CIROZ: variants seen among roughly 807,000 people sequenced by gnomAD.
CIROZ encodes the protein ciliated left-right organizer ZP-N domains-containing protein.
chr1:10,968,762 C>T, the CIROZ span, among the ~76,000 whole-genome samples: 1 of 152,182 alleles, frequency 6.6e-6, no homozygotes, highest in Admixed American at 6.5e-5. Flanking sequence ...TCTGACAGCG[C>T]CTAAAACTAA....
the CIROZ span, among the ~76,000 whole-genome samples, chr1:10,953,218 G>T: frequency 6.6e-6 from 1 of 152,120 alleles, no homozygotes; most frequent in Non-Finnish European, 1.5e-5. Context: ...CTCGTGACAG[G>T]GCAAACTTGC....
the CIROZ span, chr1:10,966,236 C>T: frequency 7.8e-7 from 1 of 1,274,476 alleles, no homozygotes; most frequent in East Asian, 2.6e-5. Context: ...CTTCTGGTCT[C>T]CCTCAGCTCA....
At chr1:10,962,034 C>T in the CIROZ span, among the ~76,000 whole-genome samples, 7 of 152,168 alleles carry the variant, frequency 4.6e-5, no homozygotes, top group South Asian at 1.4e-3. Context: ...CTCAGTTCTG[C>T]CTTCCTCTCC....
chr1:10,947,541 G>C, the CIROZ span: 4 of 831,804 alleles, frequency 4.8e-6, no homozygotes, highest in Non-Finnish European at 5.1e-6. Flanking sequence ...AGAGCACCGG[G>C]GCTTCCCTGG....
the CIROZ span, chr1:10,956,958 G>T: frequency 7.1e-7 from 1 of 1,400,640 alleles, no homozygotes; most frequent in South Asian, 1.3e-5. Flanking sequence ...CCAGAGGAGG[G>T]AGAAAACAGA....
At chr1:10,968,158 C>A in the CIROZ span, among the ~76,000 whole-genome samples, 6 of 149,056 alleles carry the variant, frequency 4.0e-5, no homozygotes, top group African/African-American at 1.6e-4. Context: ...GACTCCGTCT[C>A]AATAAATAAA....
the CIROZ span, among the ~76,000 whole-genome samples, chr1:10,959,007 C>A: frequency 6.6e-6 from 1 of 152,234 alleles, no homozygotes; most frequent in Admixed American, 6.5e-5. This position sits in a 1 kb window ranked among gnomAD's most constrained non-coding sequence, Gnocchi z 4.3. Flanking sequence ...GGGTCCTGGG[C>A]GCAGCTGGTG....
the CIROZ span, among the ~76,000 whole-genome samples, chr1:10,976,498 C>T: frequency 1.3e-5 from 2 of 151,986 alleles, no homozygotes; most frequent in African/African-American, 2.4e-5. Flanking sequence ...ATTACAGGCA[C>T]ATGCCACCAC....
At chr1:10,952,802 G>A in the CIROZ span, among the ~76,000 whole-genome samples, 5 of 152,296 alleles carry the variant, frequency 3.3e-5, no homozygotes, top group East Asian at 1.9e-4. Context: ...GTGAGCCACC[G>A]CGTCTGGCCT....
At chr1:10,954,212 T>G in the CIROZ span, 4 of 1,505,872 alleles carry the variant, frequency 2.7e-6, no homozygotes, top group Non-Finnish European at 3.6e-6. Context: ...TCCCAGCACT[T>G]TGGGAGGCTG....
the CIROZ span, among the ~76,000 whole-genome samples, chr1:10,967,155 G>GAAAAAAAA: frequency 2.6e-5 from 3 of 116,310 alleles, no homozygotes; most frequent in Non-Finnish European, 3.9e-5. Context: ...TCCAAAAAAA[G>GAAAAAAAA]AAAAAAAAAA....
At chr1:10,964,788 G>A in the CIROZ span, among the ~76,000 whole-genome samples, 4 of 152,068 alleles carry the variant, frequency 2.6e-5, no homozygotes, top group Non-Finnish European at 5.9e-5. Context: ...ACGCCAACAC[G>A]CCCGTCTAAT....
chr1:10,959,403 C>T, the CIROZ span, among the ~76,000 whole-genome samples: 2 of 152,174 alleles, frequency 1.3e-5, no homozygotes, highest in Non-Finnish European at 2.9e-5. This position sits in a 1 kb window ranked among gnomAD's most constrained non-coding sequence, Gnocchi z 4.3. Flanking sequence ...CAGACCAGGG[C>T]CCAAGGTGAT....
At chr1:10,970,183 A>C in the CIROZ span, 1 of 1,224,314 alleles carries the variant, frequency 8.2e-7, no homozygotes, top group South Asian at 1.5e-5. Flanking sequence ...GAAGGAAAAG[A>C]AGGAGCTCCT....
the CIROZ span, among the ~76,000 whole-genome samples, chr1:10,977,313 G>A: frequency 1.8e-3 from 279 of 152,094 alleles, 1 homozygote; most frequent in African/African-American, 6.4e-3. Flanking sequence ...GTGAAACCCC[G>A]TCTCTACTAA....
chr1:10,957,177 G>A, the CIROZ span: 1 of 1,291,854 alleles, frequency 7.7e-7, no homozygotes, highest in Non-Finnish European at 1.1e-6. Context: ...TCCCTCCACA[G>A]GGGCCCCCTC....
chr1:10,980,464 C>T, the CIROZ span, among the ~76,000 whole-genome samples: 95 of 152,340 alleles, frequency 6.2e-4, no homozygotes, highest in African/African-American at 2.1e-3. Flanking sequence ...CGGGGAGGCG[C>T]TATTATTAGT....
chr1:10,951,706 T>C, the CIROZ span, among the ~76,000 whole-genome samples: 1 of 133,690 alleles, frequency 7.5e-6, no homozygotes, highest in Non-Finnish European at 1.5e-5. Context: ...ACCTAGGCAA[T>C]AGAACAAGAC....
the CIROZ span, chr1:10,947,567 C>A: frequency 1.9e-6 from 2 of 1,075,502 alleles, no homozygotes; most frequent in Non-Finnish European, 2.5e-6. Flanking sequence ...CGGCCCCCAG[C>A]CCCCACCTCC....
Sources: allele counts gnomAD v4.1 joint callset (sites outside exome capture counted in the v4.1 genomes callset), GRCh38; gene constraint gnomAD v4.1.1; non-coding constraint Gnocchi (gnomAD v3.1); transcripts MANE v1.5; gene names NCBI Gene and HGNC (gene_info 2026-07-23, HGNC 2026-07-21).